SDK1: variants seen among roughly 807,000 people sequenced by gnomAD.
SDK1 encodes protein sidekick-1.
A neutral mutation model predicts 245.5 loss-of-function variants in SDK1; 157 were observed. The observed-to-expected ratio is 0.64, with a 90% CI of 0.56 to 0.73. The LOEUF (loss-of-function observed/expected upper bound fraction) is 0.73, where lower values mean the gene tolerates loss of function less well. SDK1 is among the 30% of genes least tolerant of loss of function. The pLI is 0.00. For synonymous variants in SDK1, 1,647 were observed against 1,278.5 expected (o/e 1.29, Z -6.15); for missense variants, 3,583 against 3,002.3 (o/e 1.19, Z -4.52).
At chr7:3,963,715 GGAC>G (rs1781877328) in intron 9 of SDK1, among the ~76,000 whole-genome samples, 1 of 135,298 alleles carries the variant, frequency 7.4e-6, no homozygotes, top group Non-Finnish European at 1.6e-5. Context: ...TACCTGACCT[GGAC>G]GTATCCAGTG....
intron 4 of SDK1, among the ~76,000 whole-genome samples, chr7:3,803,745 C>CTTTTTTT (rs60802259): frequency 8.3e-6 from 1 of 119,978 alleles, no homozygotes; most frequent in East Asian, 2.3e-4. Context: ...GTATTTTCCT[C>CTTTTTTT]TTTTTTTTTT....
chr7:3,652,101 GT>G (rs1014608373), intron 4 of SDK1, among the ~76,000 whole-genome samples: 1 of 152,176 alleles, frequency 6.6e-6, no homozygotes, highest in Non-Finnish European at 1.5e-5. Flanking sequence ...AGTAATTGGA[GT>G]GTTTAAATAT....
At chr7:4,022,779 T>C (rs560837200) in intron 17 of SDK1, among the ~76,000 whole-genome samples, 1 of 149,510 alleles carries the variant, frequency 6.7e-6, no homozygotes, top group Non-Finnish European at 1.5e-5. Context: ...TTTCTTTCTT[T>C]TTTTTTTTTT....
At chr7:3,351,332 T>C (rs981293173) in intron 1 of SDK1, among the ~76,000 whole-genome samples, 5 of 152,274 alleles carry the variant, frequency 3.3e-5, no homozygotes, top group African/African-American at 1.2e-4. Context: ...TTATTGATAT[T>C]ACTCAACACA....
chr7:4,248,203 C>A (rs1210033712), intron 44 of SDK1, among the ~76,000 whole-genome samples: 1 of 152,048 alleles, frequency 6.6e-6, no homozygotes, highest in Non-Finnish European at 1.5e-5. Context: ...CGGACACATA[C>A]ACACCTGAAT....
intron 4 of SDK1, among the ~76,000 whole-genome samples, chr7:3,784,913 T>C (rs1224391138): frequency 6.6e-6 from 1 of 152,256 alleles, no homozygotes; most frequent in African/African-American, 2.4e-5. Flanking sequence ...CAATGTTTAC[T>C]GCAGCATTAT....
intron 1 of SDK1, among the ~76,000 whole-genome samples, chr7:3,363,255 C>T (rs1781001003): frequency 6.6e-6 from 1 of 152,150 alleles, no homozygotes; most frequent in African/African-American, 2.4e-5. Flanking sequence ...TTTCATTCAG[C>T]ATAGTTCCCT....
intron 1 of SDK1, among the ~76,000 whole-genome samples, chr7:3,563,069 C>T (rs202237097): frequency 2.0e-4 from 31 of 152,132 alleles, no homozygotes; most frequent in South Asian, 8.3e-4. Flanking sequence ...AAACCAAAGA[C>T]GGTAGGGATG....
intron 5 of SDK1, among the ~76,000 whole-genome samples, chr7:3,880,753 A>G (rs925483277): frequency 1.1e-4 from 16 of 151,770 alleles, no homozygotes; most frequent in Non-Finnish European, 2.1e-4. Flanking sequence ...GACAAACCAG[A>G]CGGGCTGAGA....
At chr7:3,399,281 A>G (rs550890361) in intron 1 of SDK1, among the ~76,000 whole-genome samples, 2 of 152,052 alleles carry the variant, frequency 1.3e-5, no homozygotes, top group South Asian at 2.1e-4. Flanking sequence ...ATACCTTTCA[A>G]TTCCAGAGTT....
At chr7:3,318,679 C>T (rs1394878064) in intron 1 of SDK1, among the ~76,000 whole-genome samples, 8 of 152,152 alleles carry the variant, frequency 5.3e-5, no homozygotes, top group Non-Finnish European at 8.8e-5. Context: ...ACAAATGTTA[C>T]ATATTTCTTT....
chr7:3,527,849 G>A (rs976800644), intron 1 of SDK1, among the ~76,000 whole-genome samples: 3 of 151,524 alleles, frequency 2.0e-5, no homozygotes, highest in Non-Finnish European at 4.4e-5. Context: ...GGGGTGAGTG[G>A]TGGGAGGTGA....
chr7:3,909,929 G>C (rs891891446), intron 5 of SDK1, among the ~76,000 whole-genome samples: 2 of 152,136 alleles, frequency 1.3e-5, no homozygotes, highest in Non-Finnish European at 2.9e-5. Flanking sequence ...CTACACCCCG[G>C]GGAAGTGAAT....
chr7:3,997,702 A>G (rs896222631), intron 14 of SDK1, among the ~76,000 whole-genome samples: 1 of 152,130 alleles, frequency 6.6e-6, no homozygotes. Context: ...ATGGGTGACC[A>G]TGAGTGGGCC....
At chr7:4,054,158 C>T (rs1779059585) in intron 19 of SDK1, among the ~76,000 whole-genome samples, 1 of 152,152 alleles carries the variant, frequency 6.6e-6, no homozygotes, top group Non-Finnish European at 1.5e-5. Flanking sequence ...CCAGGCTGCT[C>T]TCAAACTCCT....
At chr7:3,326,859 C>A (rs565333478) in intron 1 of SDK1, among the ~76,000 whole-genome samples, 84 of 152,164 alleles carry the variant, frequency 5.5e-4, no homozygotes, top group Non-Finnish European at 1.0e-3. Flanking sequence ...ACCTGTGATA[C>A]CTCACTTTTA....
intron 1 of SDK1, among the ~76,000 whole-genome samples, chr7:3,566,955 C>T (rs1470511670): frequency 1.3e-5 from 2 of 152,126 alleles, no homozygotes; most frequent in Non-Finnish European, 2.9e-5. Flanking sequence ...AATTGTCATG[C>T]ACTGGTGGTG....
chr7:4,208,148 T>A lies in SDK1; in HGVS notation c.5264T>A (p.Val1755Asp), dbSNP rs1329865134. The A allele has an allele frequency of 1.9e-6, 3 of 1,613,754 alleles. No homozygotes were observed. The highest frequency in any genetic ancestry group is 2.5e-6 in the Non-Finnish European group (3 of 1,179,922). The part of the protein sequence containing the change: ...DSQNETEKMK[V>D]LFLPEPVVRL... ...CAGAACGAAACGGAGAAAATGAAGG[T>A]CCTCTTCCTCCCCGAGCCCGTGGTG... The change falls in exon 37 of 45, where the codon GTC becomes GAC. Residue 1755 changes from valine to aspartate, a missense_variant. Val to Asp is a radical substitution (Grantham distance 152, BLOSUM62 -3). Transcript: ENST00000404826.
chr7:3,608,774 A>G (rs1028858515), intron 1 of SDK1, among the ~76,000 whole-genome samples: 3 of 152,248 alleles, frequency 2.0e-5, no homozygotes, highest in African/African-American at 7.2e-5. Flanking sequence ...AGTGTCATTT[A>G]TGCGGTTTCA....
Sources: gnomAD v4.1 joint callset for allele counts (sites outside exome capture counted in the v4.1 genomes callset) on GRCh38, gnomAD v4.1.1 for gene constraint, MANE v1.5 for transcripts, NCBI Gene and HGNC (gene_info 2026-07-23, HGNC 2026-07-21) for gene names.